The following SGSM3 variants were observed in gnomAD, a reference collection of about 807,000 sequenced individuals.
SGSM3 encodes small G protein signaling modulator 3.
A neutral mutation model predicts 100.5 loss-of-function variants in SGSM3; 96 were observed. The ratio of observed to expected loss-of-function variants is 0.96; its 90% CI spans 0.81 to 1.13. SGSM3 has a LOEUF of 1.13. Ranked by LOEUF, SGSM3 falls within the 50% of genes most tolerant of loss-of-function variation. The pLI is 0.00. For synonymous variants in SGSM3, 483 were observed against 422.8 expected (o/e 1.14, Z -1.75); for missense variants, 1,001 against 1,015.8 (o/e 0.99, Z 0.20).
Position 40,407,452 on chromosome 22 carries a change from G to T in SGSM3, c.1408G>T (p.Asp470Tyr), listed in dbSNP as rs779740306. ...CTATAGCATGGAGAGCCACCAGCGG[G>T]ACCACGAGAACTACGTGGCGTGCTC... ...PDYSMESHQR[D>Y]HENYVACSRS... is the part of the protein sequence containing the mutation. The change falls in exon 13 of 22, where the codon GAC becomes TAC. Residue 470 changes from aspartate to tyrosine, a missense_variant. Asp to Tyr is a radical substitution (Grantham distance 160, BLOSUM62 -3). Transcript: ENST00000248929. This position sits in a 1 kb window ranked among gnomAD's most constrained non-coding sequence, Gnocchi z 4.7. The T allele has an allele frequency of 6.2e-7, 1 of 1,612,602 alleles. No individual in the cohort carries two copies. The highest frequency in any genetic ancestry group is 2.2e-5 in the East Asian group (1 of 44,878).
rs371088020 is a variant in SGSM3 at position 40,407,137 on chromosome 22, G to A, written c.1241-64G>A. On this transcript the variant is annotated intron_variant, in intron 11 of 21. Transcript: ENST00000248929. The surrounding 1 kb of genome is among the most constrained non-coding windows in gnomAD (Gnocchi z 4.7). ...AGTCTGTCCTCACGCTCATGTGGAC[G>A]TGGAGCTTCCTCCTCGGGGGCCTGG... 534 of 1,611,982 alleles carry A rather than the reference G, an allele frequency of 3.3e-4. No individual in the cohort carries two copies. The African/African-American group carries it at 4.6e-3, about 14-fold the overall frequency.
At chr22:40,409,136 C>T in intron 19 of SGSM3, 114 bp from the exon 20 acceptor site, 4 of 1,554,686 alleles carry the variant, frequency 2.6e-6, no homozygotes, top group Non-Finnish European at 3.5e-6. Context: ...TCAGGTCCTT[C>T]CCCAAAGAGG....
intron 1 of SGSM3, among the ~76,000 whole-genome samples, chr22:40,384,724 T>G (rs1469453805): frequency 6.6e-6 from 1 of 152,136 alleles, no homozygotes; most frequent in African/African-American, 2.4e-5. Flanking sequence ...GAGTTTGCAG[T>G]AAGCTGAGAT....
chr22:40,391,163 G>T (rs1204735988), intron 1 of SGSM3, among the ~76,000 whole-genome samples: 1 of 152,188 alleles, frequency 6.6e-6, no homozygotes. Flanking sequence ...CTCAAAGTGT[G>T]TTCCCTGGAC....
At position 40,407,007 on chromosome 22, in the gene SGSM3, C is replaced by T. The variant is rs1352455773; in HGVS notation, c.1186-10C>T. 8 of 1,566,380 alleles carry T rather than the reference C, an allele frequency of 5.1e-6. No individual in the cohort carries two copies. The Admixed American group carries it at 7.6e-5, about 15-fold the overall frequency. On this transcript the variant is annotated splice_polypyrimidine_tract_variant and intron_variant, in intron 10 of 21. Transcript: ENST00000248929. The surrounding 1 kb of genome is among the most constrained non-coding windows in gnomAD (Gnocchi z 4.7). Reference sequence around the variant, plus strand: ...GCCAGGACCACCCTGACCCACTCCTCTTGGTGCAGGTTGTTCGCCGCAGGA... The same window carrying T: ...GCCAGGACCACCCTGACCCACTCCTTTTGGTGCAGGTTGTTCGCCGCAGGA...
At chr22:40,380,587 G>A (rs536746806) in intron 1 of SGSM3, among the ~76,000 whole-genome samples, 6 of 152,052 alleles carry the variant, frequency 3.9e-5, no homozygotes, top group South Asian at 4.1e-4. Flanking sequence ...GGCTGGTCTC[G>A]AACTCCTGAC....
At chr22:40,405,917 G>C in intron 8 of SGSM3, 73 bp downstream of exon 8, 1 of 1,507,382 alleles carries the variant, frequency 6.6e-7, no homozygotes, top group East Asian at 2.3e-5. Flanking sequence ...AGTGGGGATA[G>C]GGCACAGCCC....
intron 7 of SGSM3, among the ~76,000 whole-genome samples, 165 bp from the exon 8 acceptor site, chr22:40,405,470 CGCTCCCCAAGGGAT>C (rs1316682014): frequency 6.6e-6 from 1 of 152,160 alleles, no homozygotes; most frequent in Non-Finnish European, 1.5e-5. Flanking sequence ...CAAGCAGAGG[CGCTCCCCAAGGGAT>C]GTGAAAGTGA....
At chr22:40,381,082 A>G (rs1852498133) in intron 1 of SGSM3, among the ~76,000 whole-genome samples, 1 of 152,232 alleles carries the variant, frequency 6.6e-6, no homozygotes, top group Non-Finnish European at 1.5e-5. Context: ...TAATTAGGAA[A>G]GGTTATAGAA....
intron 1 of SGSM3, among the ~76,000 whole-genome samples, chr22:40,371,292 CT>C (rs559905451): frequency 1.3e-5 from 2 of 152,276 alleles, no homozygotes; most frequent in African/African-American, 4.8e-5. Flanking sequence ...GACCTAGGCT[CT>C]TTTTTATTTG....
intron 1 of SGSM3, among the ~76,000 whole-genome samples, chr22:40,386,562 CTTTTTTTTTTTTTT>C (rs60319316): frequency 2.9e-5 from 2 of 68,366 alleles, no homozygotes; most frequent in South Asian, 6.8e-4. Context: ...AATTTTCTTA[CTTTTTTTTTTTTTT>C]TTTTTTTTTT....
intron 1 of SGSM3, among the ~76,000 whole-genome samples, chr22:40,381,895 G>A: frequency 6.6e-6 from 1 of 152,202 alleles, no homozygotes; most frequent in East Asian, 1.9e-4. Context: ...GGAGGCAGAA[G>A]TTGCAGTGAG....
rs2050637613 is a variant in SGSM3 at position 40,400,707 on chromosome 22, C to G, written c.-100C>G. 1 of 1,169,980 alleles carries G rather than the reference C, an allele frequency of 8.5e-7. No individual in the cohort carries two copies. The highest frequency in any genetic ancestry group is 1.5e-5 in the African/African-American group (1 of 65,172). 72.5% of individuals were successfully genotyped at this position (1,169,980 alleles called of 1,614,324 possible). A position where few individuals can be genotyped will look rare whatever the true frequency, so the allele number is the denominator to read the frequency against. On this transcript the variant is annotated 5_prime_UTR_variant, in exon 2 of 22. Coordinates refer to ENST00000248929, the MANE Select transcript of SGSM3 (RefSeq NM_015705.6). ...TTCTCTTCTAACAGGGCAGATGATTCTGGACCAGATGAAGCCTGAGGAGCC... is the reference window on the plus strand; with the variant it reads ...TTCTCTTCTAACAGGGCAGATGATTGTGGACCAGATGAAGCCTGAGGAGCC...
chr22:40,394,135 C>T (rs986633859), intron 1 of SGSM3, among the ~76,000 whole-genome samples: 8 of 152,216 alleles, frequency 5.3e-5, no homozygotes, highest in South Asian at 2.1e-4. Flanking sequence ...TCTAGTTCTG[C>T]GCTATGCTGA....
intron 15 of SGSM3, 51 bp downstream of exon 15, chr22:40,408,171 C>T: frequency 2.5e-6 from 4 of 1,607,886 alleles, no homozygotes; most frequent in African/African-American, 1.3e-5. Context: ...TAGCCAGGGC[C>T]TGCGTGCCTA....
In SGSM3 at chr22:40,407,907, G is replaced by C. The variant is rs867748349; in HGVS notation, c.1579+64G>C. 3 of 1,532,738 alleles carry C rather than the reference G, an allele frequency of 2.0e-6. No individual in the cohort carries two copies. The highest frequency in any genetic ancestry group is 2.7e-6 in the Non-Finnish European group (3 of 1,123,866). 94.9% of individuals were successfully genotyped at this position (1,532,738 alleles called of 1,614,324 possible). ...GAGGGGGTGGGCACAGAAGACTTGG[G>C]TGACCCTGGCCGCCACCAAGCTGTT... On this transcript the variant is annotated intron_variant, in intron 14 of 21. Coordinates refer to ENST00000248929, the MANE Select transcript of SGSM3 (RefSeq NM_015705.6). This position sits in a 1 kb window ranked among gnomAD's most constrained non-coding sequence, Gnocchi z 4.7.
intron 1 of SGSM3, among the ~76,000 whole-genome samples, chr22:40,376,072 A>T (rs1299330107): frequency 6.6e-6 from 1 of 150,520 alleles, no homozygotes; most frequent in Admixed American, 6.6e-5. Context: ...AAAAAACAAG[A>T]TATGAAAGAA....
intron 1 of SGSM3, among the ~76,000 whole-genome samples, chr22:40,380,298 CATTT>C (rs2047345543): frequency 6.6e-6 from 1 of 151,588 alleles, no homozygotes; most frequent in Non-Finnish European, 1.5e-5. Flanking sequence ...AACATTCTGG[CATTT>C]ATTTCTTTAT....
chr22:40,407,858 C>G lies in SGSM3; in HGVS notation c.1579+15C>G. 1.2e-6 allele frequency: 2 copies of G among 1,606,564 alleles called. No homozygotes were observed. Among genetic ancestry groups the G allele is most frequent in the Non-Finnish European group, 1.7e-6 (2 of 1,176,062 alleles). On this transcript the variant is annotated intron_variant, in intron 14 of 21. Coordinates refer to ENST00000248929, the MANE Select transcript of SGSM3 (RefSeq NM_015705.6). The surrounding 1 kb of genome is among the most constrained non-coding windows in gnomAD (Gnocchi z 4.7). ...CGGCCTGCGAGGTGGGGTCCTTGGT[C>G]TGCTCTTGAGCTGGGAGAGGGAGGA...
Sources: allele counts gnomAD v4.1 joint callset (sites outside exome capture counted in the v4.1 genomes callset), GRCh38; gene constraint gnomAD v4.1.1; non-coding constraint Gnocchi (gnomAD v3.1); transcripts MANE v1.5; gene names NCBI Gene and HGNC (gene_info 2026-07-23, HGNC 2026-07-21).